LRP10: variants seen among roughly 807,000 people sequenced by gnomAD.
LRP10 encodes low-density lipoprotein receptor-related protein 10.
LRP10 carries 42 observed loss-of-function variants against 58.5 expected under a neutral mutation model. That is an observed-to-expected ratio of 0.72 (90% CI 0.56 to 0.93). LRP10 has a LOEUF of 0.93. LRP10 is among the 40% of genes least tolerant of loss of function. The pLI is 0.00. For missense variants in LRP10, 872 were observed against 940.1 expected (o/e 0.93, Z 0.95); for synonymous variants, 377 against 388.5 (o/e 0.97, Z 0.35).
chr14:22,874,628 C>A (rs771971411), intron 3 of LRP10, among the ~76,000 whole-genome samples: 3 of 152,240 alleles, frequency 2.0e-5, no homozygotes, highest in Non-Finnish European at 2.9e-5. Flanking sequence ...TGGCTCACGC[C>A]AGTAATCCCA....
In LRP10 at chr14:22,878,967, A is replaced by G. The variant is rs960802748; in HGVS notation, c.*1440A>G. ...GCTGTGGGGGTGGGAGTGATGCCTCAGGAACAAAACTGAGGAATTCCCTAA... is the reference window on the plus strand; with the variant it reads ...GCTGTGGGGGTGGGAGTGATGCCTCGGGAACAAAACTGAGGAATTCCCTAA... On this transcript the variant is annotated 3_prime_UTR_variant, in exon 7 of 7. Coordinates refer to ENST00000359591, the MANE Select transcript of LRP10 (RefSeq NM_014045.5). 5 of 304,742 alleles carry G rather than the reference A, an allele frequency of 1.6e-5. No homozygotes were observed. Among genetic ancestry groups the G allele is most frequent in the African/African-American group, 2.2e-5 (1 of 46,194 alleles). 18.9% of individuals were successfully genotyped at this position (304,742 alleles called of 1,614,324 possible). A position where few individuals can be genotyped will look rare whatever the true frequency, so the allele number is the denominator to read the frequency against.
rs1434226354 is a variant in LRP10 at position 22,876,326 on chromosome 14, C to G, written c.1378C>G (p.Leu460Val). 2 of 1,614,092 alleles carry G rather than the reference C, an allele frequency of 1.2e-6. No individual in the cohort carries two copies. Among genetic ancestry groups the G allele is most frequent in the South Asian group, 2.2e-5 (2 of 91,088 alleles). Residue 460 changes from leucine to valine, a missense_variant, in exon 5 of 7, where the codon CTG becomes GTG. Leu to Val is a conservative substitution (Grantham distance 32, BLOSUM62 1). Coordinates refer to ENST00000359591, the MANE Select transcript of LRP10 (RefSeq NM_014045.5). Reference sequence around the variant, plus strand: ...GTGCGGCCTGCTCCTGGTCATCGCCCTGGGCTGCACCTGCAAGCTCTATGC... The same window carrying G: ...GTGCGGCCTGCTCCTGGTCATCGCCGTGGGCTGCACCTGCAAGCTCTATGC... ...LVCGLLLVIA[L>V]GCTCKLYAIR... is the part of the protein sequence containing the mutation.
Position 22,876,001 on chromosome 14 carries a change from G to A in LRP10, c.1053G>A (p.Glu351=). ...ACTGTGCTGACGGCACAGATGAGGA[G>A]GACTGCCCAGGCTGCCCACCTGGAC... The part of the protein sequence containing the change: ...SWDCADGTDE[E]DCPGCPPGHF... The change falls in exon 5 of 7, where the codon GAG becomes GAA. Residue 351 remains glutamate (E), a synonymous_variant. Transcript: ENST00000359591. 1.9e-6 allele frequency: 3 copies of A among 1,613,286 alleles called. No homozygotes were observed. Among genetic ancestry groups the A allele is most frequent in the Non-Finnish European group, 2.5e-6 (3 of 1,180,026 alleles).
chr14:22,873,312 T>C lies in LRP10; in HGVS notation c.81T>C (p.Ala27=). ...CGTGTCCTACCTTCCTCTCTCCAGC[T>C]TGTGAGGACCCCCCAGCAGTGCTCT... ...HPDRIIFPNH[A]CEDPPAVLLE... Residue 27 remains alanine (A), a splice_region_variant and synonymous_variant, in exon 3 of 7, where the codon GCT becomes GCC. Coordinates refer to ENST00000359591, the MANE Select transcript of LRP10 (RefSeq NM_014045.5). The C allele has an allele frequency of 6.2e-7, 1 of 1,611,696 alleles. No homozygotes were observed. The highest frequency in any genetic ancestry group is 1.7e-4 in the Middle Eastern group (1 of 6,050).
In LRP10 at chr14:22,875,442, G is replaced by A. The variant is rs145479864; in HGVS notation, c.494G>A (p.Cys165Tyr). 6.8e-6 allele frequency: 11 copies of A among 1,614,094 alleles called. No individual in the cohort carries two copies. Among genetic ancestry groups the A allele is most frequent in the Admixed American group, 1.7e-5 (1 of 60,014 alleles). ...CAGCGCTGTGATGGGGTTGATGCCT[G>A]TGGCGATGGCTCTGATGAAGCAGGT... ...AVQRCDGVDACGDGSDEAGCS... is the reference protein window; with the variant it reads ...AVQRCDGVDAYGDGSDEAGCS... Residue 165 changes from cysteine to tyrosine, a missense_variant, in exon 5 of 7, where the codon TGT becomes TAT. Cys to Tyr is a radical substitution (Grantham distance 194). Transcript: ENST00000359591.
Position 22,876,109 on chromosome 14 carries a change from T to C in LRP10, c.1161T>C (p.Cys387=). 6.2e-7 allele frequency: 1 copy of C among 1,614,150 alleles called. No homozygotes were observed. Among genetic ancestry groups the C allele is most frequent in the Non-Finnish European group, 8.5e-7 (1 of 1,180,040 alleles). ...ACCGCTGCAACTACCAGACTTTCTG[T>C]GCTGATGGAGCAGATGAGAGACGCT... is the stretch of plus-strand genomic sequence containing the variant. ...PADRCNYQTF[C]ADGADERRCR... is the part of the protein sequence containing the mutation. The change falls in exon 5 of 7, where the codon TGT becomes TGC. Residue 387 remains cysteine (C), a synonymous_variant. Transcript: ENST00000359591.
At position 22,876,351 on chromosome 14, in the gene LRP10, C is replaced by A. The variant is rs767166332; in HGVS notation, c.1403C>A (p.Ala468Asp). Residue 468 changes from alanine to aspartate, a missense_variant, in exon 5 of 7, where the codon GCC (alanine) becomes GAC (aspartate). By Grantham distance (126) the Ala-to-Asp change is moderately radical. Coordinates refer to ENST00000359591, the MANE Select transcript of LRP10 (RefSeq NM_014045.5). The stretch of plus-strand genomic sequence containing the variant: ...CTGGGCTGCACCTGCAAGCTCTATG[C>A]CATTCGCACCCAGGAGTACAGGTCA... Reference protein sequence around the residue: ...IALGCTCKLYAIRTQEYSIFA... With the variant: ...IALGCTCKLYDIRTQEYSIFA... 5.6e-6 allele frequency: 9 copies of A among 1,613,788 alleles called. No homozygotes were observed. The highest frequency in any genetic ancestry group is 1.1e-5 in the South Asian group (1 of 91,078).
At position 22,871,905 on chromosome 14, in the gene LRP10, C is replaced by A; in HGVS notation, c.-399C>A. Reference sequence around the variant, plus strand: ...GCACCCGGCCGGCCCTGGGGGCTGACAGTCGGCAAAGTTTGGCCCGAAGAG... The same window carrying A: ...GCACCCGGCCGGCCCTGGGGGCTGAAAGTCGGCAAAGTTTGGCCCGAAGAG... On this transcript the variant is annotated 5_prime_UTR_variant, in exon 1 of 7. Transcript: ENST00000359591. 3.5e-6 allele frequency: 1 copy of A among 284,776 alleles called. No homozygotes were observed. The highest frequency in any genetic ancestry group is 6.7e-6 in the Non-Finnish European group (1 of 149,520). 17.6% of individuals were successfully genotyped at this position (284,776 alleles called of 1,614,324 possible).
At position 22,876,698 on chromosome 14, in the gene LRP10, C is replaced by A. The variant is rs776978141; in HGVS notation, c.1434C>A (p.Ala478=). 1.2e-6 allele frequency: 2 copies of A among 1,613,606 alleles called. No individual in the cohort carries two copies. The highest frequency in any genetic ancestry group is 8.5e-7 in the Non-Finnish European group (1 of 1,179,752). ...AIRTQEYSIF[A]PLSRMEAEIV... The stretch of plus-strand genomic sequence containing the variant: ...TCCTCATTCCTTCTAGCATCTTTGC[C>A]CCCCTCTCCCGGATGGAGGCTGAGA... Residue 478 remains alanine, a synonymous_variant, in exon 6 of 7, where the codon GCC becomes GCA. Transcript: ENST00000359591.
chr14:22,881,007 CA>C lies in LRP10; in HGVS notation c.*3490del, dbSNP rs529289940. The stretch of plus-strand genomic sequence containing the variant: ...AACAGAGCGAGACAAGACTCCATCT[CA>C]AAAAAAAAAGTGAGTGCCCGATGAT... On this transcript the variant is annotated 3_prime_UTR_variant, in exon 7 of 7. Transcript: ENST00000359591. 4 of 147,890 alleles carry C rather than the reference CA, an allele frequency of 2.7e-5. No homozygotes were observed. The highest frequency in any genetic ancestry group is 2.0e-4 in the East Asian group (1 of 5,088). 9.2% of individuals were successfully genotyped at this position (147,890 alleles called of 1,614,324 possible). A position where few individuals can be genotyped will look rare whatever the true frequency, so the allele number is the denominator to read the frequency against.
chr14:22,872,411 C>T (rs2039964591), intron 1 of LRP10, 74 bp downstream of exon 1: 3 of 1,547,774 alleles, frequency 1.9e-6, no homozygotes, highest in Non-Finnish European at 2.7e-6. Context: ...CCAGTGCGGC[C>T]CCGCACTCTA....
At position 22,877,907 on chromosome 14, in the gene LRP10, AACT is replaced by A; in HGVS notation, c.*382_*384del. ...GGCCTTAAGCACCGGAATGCCAATT[AACT>A]AGAGACCCTCCAGCCCCCAAGGGGA... is the stretch of plus-strand genomic sequence containing the variant. On this transcript the variant is annotated 3_prime_UTR_variant, in exon 7 of 7. Transcript: ENST00000359591. The surrounding 1 kb of genome is among the most constrained non-coding windows in gnomAD (Gnocchi z 5.1). 1 of 170,464 alleles carries A rather than the reference AACT, an allele frequency of 5.9e-6. No homozygotes were observed. The highest frequency in any genetic ancestry group is 6.3e-5 in the Admixed American group (1 of 15,790). 10.6% of individuals were successfully genotyped at this position (170,464 alleles called of 1,614,324 possible). A position where few individuals can be genotyped will look rare whatever the true frequency, so the allele number is the denominator to read the frequency against.
Position 22,877,079 on chromosome 14 carries a change from T to C in LRP10, c.1694T>C (p.Leu565Ser), listed in dbSNP as rs2040015765. 1 of 1,613,760 alleles carries C rather than the reference T, an allele frequency of 6.2e-7. No individual in the cohort carries two copies. The change falls in exon 7 of 7, where the codon TTG (leucine) becomes TCG (serine). Residue 565 changes from leucine (L) to serine (S), a missense_variant. Physicochemically the swap from Leu to Ser is moderately radical, Grantham distance 145 (BLOSUM62 -2). Coordinates refer to ENST00000359591, the MANE Select transcript of LRP10 (RefSeq NM_014045.5). The surrounding 1 kb of genome is among the most constrained non-coding windows in gnomAD (Gnocchi z 5.1). ...RLVRRLRRWG[L>S]LPRTNTPARA... The stretch of plus-strand genomic sequence containing the variant: ...GTACGCCGTCTCCGCCGCTGGGGCT[T>C]GCTCCCTCGAACCAACACCCCGGCT...
intron 1 of LRP10, 73 bp from the exon 2 acceptor site, chr14:22,872,665 T>G (rs1184463359): frequency 8.7e-5 from 130 of 1,489,274 alleles, no homozygotes; most frequent in Non-Finnish European, 1.1e-4. Flanking sequence ...ATGGCTCCCT[T>G]GAGTTGCTCA....
Position 22,875,075 on chromosome 14 carries a change from C to A in LRP10, c.236C>A (p.Ala79Asp). Residue 79 changes from alanine (A) to aspartate (D), a missense_variant, in exon 4 of 7, where the codon GCC (alanine) becomes GAC (aspartate). By Grantham distance (126) the Ala-to-Asp change is moderately radical. Coordinates refer to ENST00000359591, the MANE Select transcript of LRP10 (RefSeq NM_014045.5). ...VTIRFQKLHL[A>D]CGSERLTLRS... ...CATAGGTTCCAGAAGCTACACCTGG[C>A]CTGTGGCTCAGAGCGCTTAACCCTA... 6.3e-7 allele frequency: 1 copy of A among 1,588,172 alleles called. No homozygotes were observed. Among genetic ancestry groups the A allele is most frequent in the Non-Finnish European group, 8.6e-7 (1 of 1,166,012 alleles).
At position 22,877,411 on chromosome 14, in the gene LRP10, C is replaced by G. The variant is rs1351688719; in HGVS notation, c.2026C>G (p.Pro676Ala). The G allele has an allele frequency of 6.2e-7, 1 of 1,613,856 alleles. No individual in the cohort carries two copies. Among genetic ancestry groups the G allele is most frequent in the South Asian group, 1.1e-5 (1 of 91,078 alleles). The change falls in exon 7 of 7, where the codon CCT (proline) becomes GCT (alanine). Residue 676 changes from proline (P) to alanine (A), a missense_variant. Pro to Ala is a conservative substitution (Grantham distance 27, BLOSUM62 -1). Coordinates refer to ENST00000359591, the MANE Select transcript of LRP10 (RefSeq NM_014045.5). The surrounding 1 kb of genome is among the most constrained non-coding windows in gnomAD (Gnocchi z 5.1). ...LGPPGPTRSP[P>A]GPHTAVLALE... is the part of the protein sequence containing the mutation. ...GCCCCCAGGACCAACCCGGAGCCCCCCTGGACCCCACACAGCAGTCCTGGC... is the reference window on the plus strand; with the variant it reads ...GCCCCCAGGACCAACCCGGAGCCCCGCTGGACCCCACACAGCAGTCCTGGC...
At position 22,878,976 on chromosome 14, in the gene LRP10, A is replaced by ACC. The variant is rs2040035180; in HGVS notation, c.*1450_*1451insCC. 1 of 313,460 alleles carries ACC rather than the reference A, an allele frequency of 3.2e-6. No individual in the cohort carries two copies. Among genetic ancestry groups the ACC allele is most frequent in the Non-Finnish European group, 6.6e-6 (1 of 150,914 alleles). 19.4% of individuals were successfully genotyped at this position (313,460 alleles called of 1,614,324 possible). A position where few individuals can be genotyped will look rare whatever the true frequency, so the allele number is the denominator to read the frequency against. ...GTGGGAGTGATGCCTCAGGAACAAA[A>ACC]CTGAGGAATTCCCTAACGGACCCAG... is the stretch of plus-strand genomic sequence containing the variant. On this transcript the variant is annotated 3_prime_UTR_variant, in exon 7 of 7. Coordinates refer to ENST00000359591, the MANE Select transcript of LRP10 (RefSeq NM_014045.5).
chr14:22,874,674 G>C (rs2039984574), intron 3 of LRP10, among the ~76,000 whole-genome samples: 1 of 152,212 alleles, frequency 6.6e-6, no homozygotes, highest in South Asian at 2.1e-4. Flanking sequence ...GATCACCTGA[G>C]GCCAGGAGTT....
In LRP10 at chr14:22,876,323, G is replaced by T; in HGVS notation, c.1375G>T (p.Ala459Ser). 2 of 1,614,068 alleles carry T rather than the reference G, an allele frequency of 1.2e-6. No homozygotes were observed. The highest frequency in any genetic ancestry group is 1.7e-6 in the Non-Finnish European group (2 of 1,180,040). ...SLVCGLLLVI[A>S]LGCTCKLYAI... is the part of the protein sequence containing the mutation. ...AGTGTGCGGCCTGCTCCTGGTCATC[G>T]CCCTGGGCTGCACCTGCAAGCTCTA... The change falls in exon 5 of 7, where the codon GCC becomes TCC. Residue 459 changes from alanine to serine, a missense_variant. Ala to Ser is a moderately conservative substitution (Grantham distance 99). Coordinates refer to ENST00000359591, the MANE Select transcript of LRP10 (RefSeq NM_014045.5).
Sources: gnomAD v4.1 joint callset for allele counts (sites outside exome capture counted in the v4.1 genomes callset) on GRCh38, gnomAD v4.1.1 for gene constraint, Gnocchi (gnomAD v3.1) non-coding constraint, MANE v1.5 for transcripts, NCBI Gene and HGNC (gene_info 2026-07-23, HGNC 2026-07-21) for gene names.